Variants in DTYMK observed in about 807,000 individuals in gnomAD.
The protein encoded by DTYMK is deoxythymidylate kinase.
A neutral mutation model predicts 20.3 loss-of-function variants in DTYMK; 20 were observed. That is an observed-to-expected ratio of 0.99 (90% CI 0.69 to 1.43). DTYMK has a LOEUF of 1.43. Among genes scored for constraint, DTYMK ranks in the 40% most tolerant of loss-of-function variants. The pLI is 0.00. For synonymous variants in DTYMK, 148 were observed against 124.4 expected, an observed-to-expected ratio of 1.19 and a Z score of -1.27; for missense variants, 320 against 291.1, an observed-to-expected ratio of 1.10 and a Z score of -0.72.
In DTYMK at chr2:241,686,695, A is replaced by G; in HGVS notation, c.89T>C (p.Leu30Pro). 3 of 1,538,356 alleles carry G rather than the reference A, an allele frequency of 2.0e-6. No individual in the cohort carries two copies. Among genetic ancestry groups the G allele is most frequent in the Non-Finnish European group, 2.6e-6 (3 of 1,154,246 alleles). Residue 30 changes from leucine (L) to proline (P), a missense_variant, in exon 1 of 5, where the codon CTG (leucine) becomes CCG (proline). By Grantham distance (98) the Leu-to-Pro change is moderately conservative (BLOSUM62 -3). Transcript: ENST00000305784. ...STQSRKLVEALCAAGHRAELL... is the reference protein window; with the variant it reads ...STQSRKLVEAPCAAGHRAELL... ...TTCGGCGCGGTGGCCCGCGGCGCAC[A>G]GCGCTTCCACCAGCTTGCGGCTCTG...
Position 241,676,110 on chromosome 2 carries a change from C to CG in DTYMK, c.*16_*17insC. ...GGGGGACTGCAGGGAGAGGCGTCTCCAGTGGGCAGCCTTGGGTCACTTCCA... is the reference window on the plus strand; with the variant it reads ...GGGGGACTGCAGGGAGAGGCGTCTCCGAGTGGGCAGCCTTGGGTCACTTCCA... On this transcript the variant is annotated 3_prime_UTR_variant, in exon 5 of 5. Coordinates refer to ENST00000305784, the MANE Select transcript of DTYMK (RefSeq NM_012145.4). 1 of 1,590,300 alleles carries CG rather than the reference C, an allele frequency of 6.3e-7. No homozygotes were observed. The highest frequency in any genetic ancestry group is 1.1e-5 in the South Asian group (1 of 89,428).
rs150797925 is a variant in DTYMK at position 241,683,783 on chromosome 2, C to T, written c.239+1986G>A. On this transcript the variant is annotated intron_variant, in intron 2 of 4. Coordinates refer to ENST00000305784, the MANE Select transcript of DTYMK (RefSeq NM_012145.4). Reference sequence around the variant, plus strand: ...AAAAAGACATGAACTATTGGTCGGGCATGGTGGCTCATGCCTGTAATCCCA... The same window carrying T: ...AAAAAGACATGAACTATTGGTCGGGTATGGTGGCTCATGCCTGTAATCCCA... Among the ~76,000 whole-genome samples, 132 of 152,278 alleles carry T rather than the reference C, an allele frequency of 8.7e-4. 1 individual carries two copies. The highest frequency in any genetic ancestry group is 3.0e-3 in the African/African-American group (126 of 41,566).
chr2:241,686,398 G>C (rs1017174801), intron 1 of DTYMK, among the ~76,000 whole-genome samples: 1 of 152,228 alleles, frequency 6.6e-6, no homozygotes, highest in African/African-American at 2.4e-5. Flanking sequence ...ACCGGGCGCG[G>C]TGGCGCGCGC....
intron 2 of DTYMK, chr2:241,682,318 GAC>G (rs1436795383): frequency 2.4e-6 from 1 of 424,782 alleles, no homozygotes; most frequent in East Asian, 7.5e-5. Flanking sequence ...CAGCCTGCAT[GAC>G]ACAGAGACCC....
rs529624077 is a variant in DTYMK at position 241,679,906 on chromosome 2, T to C, written c.330+323A>G. 3.3e-5 allele frequency among the ~76,000 whole-genome samples: 5 copies of C among 150,758 alleles called. 1 individual carries two copies. Among genetic ancestry groups the C allele is most frequent in the African/African-American group, 1.2e-4 (5 of 40,986 alleles). On this transcript the variant is annotated intron_variant, in intron 3 of 4. Coordinates refer to ENST00000305784, the MANE Select transcript of DTYMK (RefSeq NM_012145.4). ...ATCGCTTGAACTCAGGAGGCAGAGGTTGCAATGAGCTGAGATCGTGCCACT... is the reference window on the plus strand; with the variant it reads ...ATCGCTTGAACTCAGGAGGCAGAGGCTGCAATGAGCTGAGATCGTGCCACT...
At chr2:241,677,192 A>G (rs2069136847) in intron 4 of DTYMK, among the ~76,000 whole-genome samples, 1 of 152,238 alleles carries the variant, frequency 6.6e-6, no homozygotes, top group Non-Finnish European at 1.5e-5. Flanking sequence ...GGGGCGTAGA[A>G]GGCACTTGGA....
At chr2:241,683,177 A>T (rs2069305532) in intron 2 of DTYMK, among the ~76,000 whole-genome samples, 1 of 152,224 alleles carries the variant, frequency 6.6e-6, no homozygotes, top group Admixed American at 6.5e-5. Context: ...ACTCCACATC[A>T]TATGTCAGCA....
intron 2 of DTYMK, chr2:241,682,402 T>C (rs994052333): frequency 3.0e-6 from 1 of 335,628 alleles, no homozygotes; most frequent in African/African-American, 2.2e-5. Context: ...GGAGAAAATA[T>C]GTATAAAAGA....
chr2:241,685,920 CT>C, intron 1 of DTYMK, 43 bp from the exon 2 acceptor site: 1 of 1,586,532 alleles, frequency 6.3e-7, no homozygotes, highest in Non-Finnish European at 8.6e-7. Context: ...TGAGATCAGG[CT>C]TTCCCTCTAT....
At chr2:241,677,081 C>T (rs1328271140) in intron 4 of DTYMK, among the ~76,000 whole-genome samples, 2 of 152,270 alleles carry the variant, frequency 1.3e-5, no homozygotes, top group Non-Finnish European at 2.9e-5. Context: ...GTGAGAGGGA[C>T]TCAGAAGCGC....
At chr2:241,685,713 T>A (rs903044957) in intron 2 of DTYMK, 56 bp downstream of exon 2, 14 of 1,545,042 alleles carry the variant, frequency 9.1e-6, no homozygotes, top group Non-Finnish European at 1.3e-5. Context: ...GTTCACTGAA[T>A]CTCAGGAGGA....
At chr2:241,681,761 C>T (rs1038049614) in intron 2 of DTYMK, among the ~76,000 whole-genome samples, 22 of 152,194 alleles carry the variant, frequency 1.4e-4, no homozygotes, top group East Asian at 1.9e-4. Flanking sequence ...AAAGGACAGC[C>T]GGACGTGGTG....
intron 2 of DTYMK, 124 bp from the exon 3 acceptor site, chr2:241,680,443 G>A (rs1048729069): frequency 1.7e-5 from 16 of 928,296 alleles, no homozygotes; most frequent in Middle Eastern, 2.6e-4. Context: ...TTGGGAGGCT[G>A]AGGCGGGCGG....
At chr2:241,685,206 TA>T (rs540179173) in intron 2 of DTYMK, 57 of 140,962 alleles carry the variant, frequency 4.0e-4, no homozygotes, top group South Asian at 8.9e-4. Flanking sequence ...GTCTTAAAAA[TA>T]AAAAAAAAAG....
chr2:241,677,519 C>T (rs4076643), intron 4 of DTYMK, among the ~76,000 whole-genome samples: 30,007 of 152,242 alleles, frequency 0.2, 3,292 homozygotes, highest in East Asian at 0.28. Context: ...ACTGAAGCTC[C>T]GCGGGCCGTG....
At position 241,675,897 on chromosome 2, in the gene DTYMK, C is replaced by G. The variant is rs1039084667; in HGVS notation, c.*230G>C. ...AGTGCCATCAGGACAGGGGAGAGGG[C>G]AGGAGACTGCTCCATCGCTCTGCTC... On this transcript the variant is annotated 3_prime_UTR_variant, in exon 5 of 5. Coordinates refer to ENST00000305784, the MANE Select transcript of DTYMK (RefSeq NM_012145.4). The G allele has an allele frequency of 3.1e-5, 14 of 458,578 alleles. No individual in the cohort carries two copies. In the Admixed American group the frequency reaches 3.6e-4, roughly 12 times the overall value. 28.4% of individuals were successfully genotyped at this position (458,578 alleles called of 1,614,324 possible).
At position 241,686,735 on chromosome 2, in the gene DTYMK, C is replaced by G; in HGVS notation, c.49G>C (p.Ala17Pro). 6.5e-7 allele frequency: 1 copy of G among 1,544,458 alleles called. No homozygotes were observed. Among genetic ancestry groups the G allele is most frequent in the South Asian group, 1.2e-5 (1 of 84,648 alleles). The change falls in exon 1 of 5, where the codon GCC (alanine) becomes CCC (proline). Residue 17 changes from alanine to proline, a missense_variant. Coordinates refer to ENST00000305784, the MANE Select transcript of DTYMK (RefSeq NM_012145.4). ...TTGCGGCTCTGCGTGCTCTTCCCGG[C>G]GCGGTCCACGCCCTCCAGCACTATG... ...ALIVLEGVDR[A>P]GKSTQSRKLV...
chr2:241,676,286 C>A, intron 4 of DTYMK, 49 bp from the exon 5 acceptor site: 1 of 1,553,672 alleles, frequency 6.4e-7, no homozygotes, highest in Non-Finnish European at 8.7e-7. Context: ...CAGCACGTTC[C>A]AGGCTGGTCA....
intron 3 of DTYMK, among the ~76,000 whole-genome samples, chr2:241,679,251 G>T (rs535030325): frequency 4.6e-5 from 7 of 152,270 alleles, no homozygotes; most frequent in Non-Finnish European, 8.8e-5. Context: ...CGGAGGAAAG[G>T]TAGGACCAGA....
Sources: gnomAD v4.1 joint callset for allele counts (sites outside exome capture counted in the v4.1 genomes callset) on GRCh38, gnomAD v4.1.1 for gene constraint, MANE v1.5 for transcripts, NCBI Gene and HGNC (gene_info 2026-07-23, HGNC 2026-07-21) for gene names.